SPOCK3: variants seen among roughly 807,000 people sequenced by gnomAD.
The protein encoded by SPOCK3 is SPARC (osteonectin), cwcv and kazal like domains proteoglycan 3.
SPOCK3 carries 30 observed loss-of-function variants against 56.6 expected under a neutral mutation model. The ratio of observed to expected loss-of-function variants is 0.53; its 90% CI spans 0.40 to 0.72. The LOEUF (loss-of-function observed/expected upper bound fraction) is 0.72, where lower values mean the gene tolerates loss of function less well. Ranked by LOEUF, SPOCK3 falls within the 30% of genes least tolerant of loss-of-function variation. SPOCK3 has a pLI of 0.00. For synonymous variants in SPOCK3, 196 were observed against 183.3 expected (o/e 1.07, Z -0.56); for missense variants, 527 against 530.0 (o/e 0.99, Z 0.06).
intron 2 of SPOCK3, among the ~76,000 whole-genome samples, chr4:167,211,980 G>A (rs909540776): frequency 1.3e-5 from 2 of 152,294 alleles, no homozygotes; most frequent in East Asian, 3.9e-4. Flanking sequence ...ACAATGGACA[G>A]TGTAAACATA....
chr4:167,001,969 T>A lies in SPOCK3; in HGVS notation c.236-1506A>T, dbSNP rs532137343. Among the ~76,000 whole-genome samples, 4 of 152,248 alleles carry A rather than the reference T, an allele frequency of 2.6e-5. No individual in the cohort carries two copies. The East Asian group carries it at 7.7e-4, about 29-fold the overall frequency. On this transcript the variant is annotated intron_variant, in intron 3 of 10. Coordinates refer to ENST00000357545, the MANE Select transcript of SPOCK3 (RefSeq NM_001040159.2). ...TTTATTTATTTTATTATATTTTATT[T>A]TATTTTTGAGACAGAGTTTCTCTCT...
intron 2 of SPOCK3, among the ~76,000 whole-genome samples, chr4:167,156,413 A>C (rs188955716): frequency 6.6e-6 from 1 of 152,296 alleles, no homozygotes; most frequent in East Asian, 1.9e-4. Context: ...AAATGTCTGC[A>C]CACATATGTA....
At chr4:167,085,323 A>T (rs146827114) in intron 2 of SPOCK3, among the ~76,000 whole-genome samples, 2 of 152,220 alleles carry the variant, frequency 1.3e-5, no homozygotes, top group African/African-American at 4.8e-5. Context: ...TTAGCTATTA[A>T]ATTGCTTATC....
At chr4:167,068,641 G>C (rs988647326) in intron 2 of SPOCK3, among the ~76,000 whole-genome samples, 1 of 151,754 alleles carries the variant, frequency 6.6e-6, no homozygotes, top group African/African-American at 2.4e-5. Flanking sequence ...GACTTCTGAT[G>C]CCAAATGCAT....
intron 6 of SPOCK3, among the ~76,000 whole-genome samples, chr4:166,806,240 T>A (rs1350221002): frequency 6.6e-6 from 1 of 152,084 alleles, no homozygotes; most frequent in Non-Finnish European, 1.5e-5. Flanking sequence ...GTGTCTCAAA[T>A]ACTTCACATG....
chr4:167,161,176 A>T lies in SPOCK3; in HGVS notation c.189+72809T>A, dbSNP rs1054854933. On this transcript the variant is annotated intron_variant, in intron 2 of 10. Transcript: ENST00000357545. ...AAGGGCTAATATCCCGAATCTACAA[A>T]GAACTCAAACAAATTTACAAGAAAA... is the stretch of plus-strand genomic sequence containing the variant. Among the ~76,000 whole-genome samples the T allele has an allele frequency of 2.0e-5, 3 of 152,154 alleles. No homozygotes were observed. In the South Asian group the frequency reaches 6.2e-4, roughly 32 times the overall value.
intron 2 of SPOCK3, among the ~76,000 whole-genome samples, chr4:167,138,764 G>A (rs1247528946): frequency 6.6e-6 from 1 of 151,652 alleles, no homozygotes; most frequent in East Asian, 1.9e-4. Flanking sequence ...ATGTCATTGT[G>A]TTTTCAAAAA....
chr4:167,222,738 T>C (rs1388948083), intron 2 of SPOCK3, among the ~76,000 whole-genome samples: 341 of 126,168 alleles, frequency 2.7e-3, no homozygotes, highest in African/African-American at 0.011. Context: ...AATATATAAA[T>C]ATATAAACAT....
At chr4:166,961,124 TA>T (rs1363032429) in intron 4 of SPOCK3, among the ~76,000 whole-genome samples, 2 of 152,074 alleles carry the variant, frequency 1.3e-5, no homozygotes. Context: ...GAAAACATTT[TA>T]AAAAACTGTC....
intron 10 of SPOCK3, among the ~76,000 whole-genome samples, chr4:166,736,669 A>T (rs915018541): frequency 3.3e-5 from 5 of 151,994 alleles, no homozygotes; most frequent in African/African-American, 4.8e-5. Flanking sequence ...TTGATCATTT[A>T]TATTAATTGA....
chr4:167,153,087 T>C (rs1418039277), intron 2 of SPOCK3, among the ~76,000 whole-genome samples: 1 of 152,184 alleles, frequency 6.6e-6, no homozygotes. Context: ...AGAGAGATAC[T>C]ATTTTTGCCA....
At chr4:167,182,920 G>A (rs1264513317) in intron 2 of SPOCK3, among the ~76,000 whole-genome samples, 1 of 152,064 alleles carries the variant, frequency 6.6e-6, no homozygotes, top group Non-Finnish European at 1.5e-5. Context: ...CCTGTCCATG[G>A]CATCATCATT....
rs146587703 is a variant in SPOCK3 at position 167,201,396 on chromosome 4, T to C, written c.189+32589A>G. ...CCACATCCCAAAATTCTACAAAATA[T>C]ATGAGAATTGGGAAGACAAAAATAT... On this transcript the variant is annotated intron_variant, in intron 2 of 10. Transcript: ENST00000357545. Among the ~76,000 whole-genome samples the C allele has an allele frequency of 2.9e-4, 44 of 152,012 alleles. No homozygotes were observed. In the East Asian group the frequency reaches 7.2e-3, roughly 25 times the overall value.
At chr4:166,858,595 A>G (rs1435728091) in intron 6 of SPOCK3, among the ~76,000 whole-genome samples, 3 of 152,132 alleles carry the variant, frequency 2.0e-5, no homozygotes, top group East Asian at 1.9e-4. Flanking sequence ...TATCAAGTAG[A>G]GGTAACTTTA....
chr4:167,099,863 T>C (rs2150322875), intron 2 of SPOCK3, among the ~76,000 whole-genome samples: 1 of 152,240 alleles, frequency 6.6e-6, no homozygotes, highest in Admixed American at 6.5e-5. Context: ...AAACTGATAT[T>C]ACTATTCAAA....
In SPOCK3 at chr4:166,853,381, C is replaced by T. The variant is rs142998934; in HGVS notation, c.589+35749G>A. ...ACATAAAAATGGAAATATTAAGCAG[C>T]GTAAAATTTTTCCTACATGCTGATC... is the stretch of plus-strand genomic sequence containing the variant. On this transcript the variant is annotated intron_variant, in intron 6 of 10. Transcript: ENST00000357545. Among the ~76,000 whole-genome samples the T allele has an allele frequency of 2.2e-3, 340 of 152,136 alleles. 1 individual carries two copies. The highest frequency in any genetic ancestry group is 7.7e-3 in the African/African-American group (319 of 41,518).
At chr4:167,234,258 T>C (rs972093465) in intron 1 of SPOCK3, 85 bp from the exon 2 acceptor site, 3 of 1,384,906 alleles carry the variant, frequency 2.2e-6, no homozygotes, top group Non-Finnish European at 3.0e-6. Context: ...CTGGAAAACA[T>C]GCATTAGCAA....
intron 8 of SPOCK3, among the ~76,000 whole-genome samples, chr4:166,753,917 T>C (rs1352159689): frequency 8.5e-5 from 13 of 152,108 alleles, no homozygotes; most frequent in Admixed American, 8.5e-4. Context: ...GAAAGATGCA[T>C]GAAGAACTGG....
At chr4:167,039,762 AG>A (rs1368580038) in intron 3 of SPOCK3, among the ~76,000 whole-genome samples, 18 of 152,174 alleles carry the variant, frequency 1.2e-4, no homozygotes, top group Non-Finnish European at 2.5e-4. Context: ...TCGGAATAAA[AG>A]GTGTTATCTG....
Sources: gnomAD v4.1 joint callset for allele counts (sites outside exome capture counted in the v4.1 genomes callset) on GRCh38, gnomAD v4.1.1 for gene constraint, MANE v1.5 for transcripts, NCBI Gene and HGNC (gene_info 2026-07-23, HGNC 2026-07-21) for gene names.